AP2B1: variants seen among roughly 807,000 people sequenced by gnomAD.
AP2B1 encodes the protein AP-2 complex subunit beta.
AP2B1 carries 23 observed loss-of-function variants against 102.0 expected under a neutral mutation model. The ratio of observed to expected loss-of-function variants is 0.23; its 90% CI spans 0.16 to 0.32. AP2B1 has a LOEUF of 0.32. Ranked by LOEUF, AP2B1 falls within the 10% of genes least tolerant of loss-of-function variation. The probability of loss-of-function intolerance (pLI) is 1.00; values close to 1 mark genes in which losing one functional copy is unlikely to be tolerated. For synonymous variants in AP2B1, 381 were observed against 421.2 expected, an observed-to-expected ratio of 0.90 and a Z score of 1.17; for missense variants, 541 against 1,157.4, an observed-to-expected ratio of 0.47 and a Z score of 7.73.
intron 11 of AP2B1, among the ~76,000 whole-genome samples, chr17:35,640,443 G>C (rs1216231195): frequency 6.6e-6 from 1 of 151,728 alleles, no homozygotes; most frequent in African/African-American, 2.4e-5. Flanking sequence ...TCACCATGTT[G>C]GCCAGGCTGG....
At chr17:35,667,287 G>T (rs1490879594) in intron 14 of AP2B1, among the ~76,000 whole-genome samples, 1 of 152,194 alleles carries the variant, frequency 6.6e-6, no homozygotes, top group African/African-American at 2.4e-5. Context: ...ATAAGCTGTA[G>T]TCTTGCTAGT....
chr17:35,690,518 A>G (rs918781045), intron 18 of AP2B1, among the ~76,000 whole-genome samples: 4 of 152,206 alleles, frequency 2.6e-5, no homozygotes, highest in Non-Finnish European at 1.5e-5. Context: ...CTCTAAAAGA[A>G]TCAATCTTCA....
At chr17:35,595,749 CCTT>C (rs1444851430) in intron 2 of AP2B1, among the ~76,000 whole-genome samples, 4 of 152,080 alleles carry the variant, frequency 2.6e-5, no homozygotes, top group Non-Finnish European at 4.4e-5. Flanking sequence ...ACTTTTTCCT[CCTT>C]ATTTTTATTA....
intron 10 of AP2B1, among the ~76,000 whole-genome samples, chr17:35,639,137 C>T (rs1001031393): frequency 3.9e-5 from 6 of 152,028 alleles, no homozygotes; most frequent in Admixed American, 1.3e-4. Context: ...TGAGACCAGC[C>T]GGTCAACATA....
intron 2 of AP2B1, 44 bp from the exon 3 acceptor site, chr17:35,598,186 T>C: frequency 1.6e-6 from 2 of 1,239,414 alleles, no homozygotes; most frequent in Non-Finnish European, 2.4e-6. Flanking sequence ...CTGCTCTAAG[T>C]CTGTGGTACT....
At chr17:35,720,087 G>A (rs1237854416) in intron 21 of AP2B1, among the ~76,000 whole-genome samples, 5 of 152,146 alleles carry the variant, frequency 3.3e-5, no homozygotes, top group African/African-American at 1.2e-4. Context: ...AGTGGAGTTG[G>A]TATGTGTACC....
chr17:35,634,723 G>A (rs923821099), intron 9 of AP2B1, among the ~76,000 whole-genome samples: 3 of 152,088 alleles, frequency 2.0e-5, no homozygotes, highest in African/African-American at 4.8e-5. Flanking sequence ...GAGTGTTTTG[G>A]ATCATGTGTA....
chr17:35,718,762 G>A (rs2085263480), intron 21 of AP2B1, among the ~76,000 whole-genome samples: 2 of 150,868 alleles, frequency 1.3e-5, no homozygotes, highest in Admixed American at 6.6e-5. Flanking sequence ...ATATGGGTGT[G>A]TGTGGTTTTT....
intron 18 of AP2B1, among the ~76,000 whole-genome samples, chr17:35,686,976 CAAAAA>C (rs1427046490): frequency 1.3e-5 from 2 of 152,194 alleles, no homozygotes. Context: ...GACTCCGTCT[CAAAAA>C]GAAAAGAAAA....
At chr17:35,596,656 C>G (rs953241324) in intron 2 of AP2B1, among the ~76,000 whole-genome samples, 1 of 152,032 alleles carries the variant, frequency 6.6e-6, no homozygotes, top group African/African-American at 2.4e-5. Context: ...GGGCCTTCCG[C>G]GGAGGCCGCC....
intron 5 of AP2B1, among the ~76,000 whole-genome samples, chr17:35,611,066 C>A (rs931637154): frequency 6.6e-6 from 1 of 152,172 alleles, no homozygotes; most frequent in African/African-American, 2.4e-5. Context: ...CAAAGACAGA[C>A]CCTTCCTCAA....
rs180860333 is a variant in AP2B1, at chr17:35,624,412, G to A, written c.541G>A (p.Val181Ile). The A allele has an allele frequency of 3.8e-4, 621 of 1,614,078 alleles. 2 individuals carry two copies. Among genetic ancestry groups the A allele is most frequent in the African/African-American group, 2.7e-4 (20 of 75,038 alleles). Reference sequence around the variant, plus strand: ...TCTTTTCCAGGTGGTGGCTAATGCCGTAGCGGCATTATCTGAAATCAGTGA... The same window carrying A: ...TCTTTTCCAGGTGGTGGCTAATGCCATAGCGGCATTATCTGAAATCAGTGA... ...DSNPMVVANA[V>I]AALSEISESH... Residue 181 changes from valine to isoleucine, a missense_variant, in exon 6 of 22, where the codon GTA (valine) becomes ATA (isoleucine). Val to Ile is a conservative substitution (Grantham distance 29). This residue lies in a region of AP2B1 where 134 missense variants were observed against 250.2 expected (regional missense o/e 0.54). Coordinates refer to ENST00000610402, the MANE Select transcript of AP2B1 (RefSeq NM_001030006.2).
intron 15 of AP2B1, 109 bp downstream of exon 15, chr17:35,671,007 C>A: frequency 1.7e-6 from 2 of 1,144,508 alleles, no homozygotes; most frequent in Non-Finnish European, 2.6e-6. Context: ...CACTGCACAC[C>A]AAAACCTCTA....
At chr17:35,592,518 C>T (rs550239779) in intron 1 of AP2B1, among the ~76,000 whole-genome samples, 2 of 151,870 alleles carry the variant, frequency 1.3e-5, no homozygotes, top group Admixed American at 1.3e-4. Context: ...ATGCCTGAGC[C>T]ACCGCGCCTG....
In AP2B1 at chr17:35,626,861, G is replaced by A; in HGVS notation, c.938+19G>A. On this transcript the variant is annotated intron_variant, in intron 7 of 21. Transcript: ENST00000610402. ...AGAAAAGGTTGGGAAATAGCGAAGT[G>A]TTGATTAAAGTGTTTGTAATTTTGC... The A allele has an allele frequency of 6.2e-7, 1 of 1,601,680 alleles. No individual in the cohort carries two copies. Among genetic ancestry groups the A allele is most frequent in the Non-Finnish European group, 8.6e-7 (1 of 1,169,260 alleles).
chr17:35,663,538 A>G (rs1343873740), intron 14 of AP2B1, among the ~76,000 whole-genome samples: 1 of 152,218 alleles, frequency 6.6e-6, no homozygotes, highest in Non-Finnish European at 1.5e-5. Flanking sequence ...TGCAGAATAG[A>G]ATACAGTTTC....
At chr17:35,616,217 T>TG (rs374053106) in intron 5 of AP2B1, among the ~76,000 whole-genome samples, 1,315 of 128,344 alleles carry the variant, frequency 0.01, 17 homozygotes, top group African/African-American at 0.029. Context: ...CAGGCTGGAG[T>TG]GCAGTGGCGC....
chr17:35,607,541 C>A (rs1459730409), intron 4 of AP2B1, among the ~76,000 whole-genome samples: 4 of 152,168 alleles, frequency 2.6e-5, no homozygotes, highest in African/African-American at 9.7e-5. Context: ...AGTGTTCTTT[C>A]TCCATATTCT....
At chr17:35,673,727 A>G (rs1294998949) in intron 16 of AP2B1, among the ~76,000 whole-genome samples, 1 of 152,220 alleles carries the variant, frequency 6.6e-6, no homozygotes, top group Admixed American at 6.5e-5. Flanking sequence ...AAATGATGAA[A>G]AAAAATCTTC....
Sources: gnomAD v4.1 joint callset for allele counts (sites outside exome capture counted in the v4.1 genomes callset) on GRCh38, gnomAD v4.1.1 for gene constraint, gnomAD v4.1.1 regional missense constraint, MANE v1.5 for transcripts, NCBI Gene and HGNC (gene_info 2026-07-23, HGNC 2026-07-21) for gene names.